The following GALNT13 variants were observed in gnomAD, a reference collection of about 807,000 sequenced individuals.
GALNT13 encodes polypeptide N-acetylgalactosaminyltransferase 13.
In GALNT13, 28 loss-of-function variants were observed where a neutral mutation model predicts 64.2. The ratio of observed to expected loss-of-function variants is 0.44; its 90% CI spans 0.32 to 0.60. The LOEUF is 0.60. Among genes scored for constraint, GALNT13 ranks in the 20% least tolerant of loss-of-function variants. The pLI is 0.05. For synonymous variants in GALNT13, 214 were observed against 224.6 expected, an observed-to-expected ratio of 0.95 and a Z score of 0.42; for missense variants, 577 against 669.8, an observed-to-expected ratio of 0.86 and a Z score of 1.53.
At chr2:153,197,652 G>A in the GALNT13 span, among the ~76,000 whole-genome samples, 1 of 152,188 alleles carries the variant, frequency 6.6e-6, no homozygotes, top group Non-Finnish European at 1.5e-5. Context: ...GTGTGTTTGA[G>A]TGGTTGTGTG....
the GALNT13 span, among the ~76,000 whole-genome samples, chr2:153,474,117 T>C: frequency 1.4e-4 from 21 of 151,854 alleles, no homozygotes; most frequent in Admixed American, 9.2e-4. Flanking sequence ...ACTTGTCTTT[T>C]GTGAGAAAAA....
At chr2:153,073,029 G>A in the GALNT13 span, among the ~76,000 whole-genome samples, 1 of 152,126 alleles carries the variant, frequency 6.6e-6, no homozygotes, top group Non-Finnish European at 1.5e-5. Context: ...ACTTATATTC[G>A]AGGCACGATG....
the GALNT13 span, among the ~76,000 whole-genome samples, chr2:153,844,081 T>C: frequency 6.6e-6 from 1 of 152,144 alleles, no homozygotes; most frequent in Admixed American, 6.5e-5. Context: ...GTCCCCTTCA[T>C]ACAGCTCCAC....
intron 8 of GALNT13, among the ~76,000 whole-genome samples, chr2:154,273,401 A>G (rs79517486): frequency 0.043 from 6,569 of 152,228 alleles, 198 homozygotes; most frequent in Non-Finnish European, 0.06. Context: ...TTCCAAGTCT[A>G]TAGGATCACA....
the GALNT13 span, among the ~76,000 whole-genome samples, chr2:153,097,911 C>A: frequency 6.6e-6 from 1 of 152,030 alleles, no homozygotes; most frequent in Non-Finnish European, 1.5e-5. Flanking sequence ...GCTAGAAATT[C>A]AAAAATTAGC....
At chr2:153,736,371 A>G in the GALNT13 span, among the ~76,000 whole-genome samples, 1 of 152,116 alleles carries the variant, frequency 6.6e-6, no homozygotes, top group Non-Finnish European at 1.5e-5. Context: ...AATCTTTAAG[A>G]TGTTGCAAGT....
the GALNT13 span, among the ~76,000 whole-genome samples, chr2:153,554,300 C>A: frequency 6.6e-6 from 1 of 152,044 alleles, no homozygotes; most frequent in South Asian, 2.1e-4. Context: ...TGCCACTGCA[C>A]TCCAGCCTGG....
At chr2:154,072,004 T>C (rs1700762667) in intron 3 of GALNT13, among the ~76,000 whole-genome samples, 1 of 152,066 alleles carries the variant, frequency 6.6e-6, no homozygotes, top group African/African-American at 2.4e-5. Flanking sequence ...GAGTTCAATG[T>C]TAATGAATCA....
chr2:153,619,936 G>A, the GALNT13 span, among the ~76,000 whole-genome samples: 1 of 151,912 alleles, frequency 6.6e-6, no homozygotes, highest in African/African-American at 2.4e-5. Flanking sequence ...TTTTCTTTGG[G>A]TTAAATCTGC....
chr2:153,872,543 C>T (rs868610638), intron 1 of GALNT13, among the ~76,000 whole-genome samples: 1 of 150,314 alleles, frequency 6.7e-6, no homozygotes, highest in Admixed American at 6.6e-5. Context: ...TGCGGGAGGA[C>T]CGCGTGGCGC....
At chr2:153,529,297 A>C in the GALNT13 span, among the ~76,000 whole-genome samples, 1 of 152,106 alleles carries the variant, frequency 6.6e-6, no homozygotes, top group Non-Finnish European at 1.5e-5. Context: ...TATGCCAATA[A>C]TTTGGAAAAT....
the GALNT13 span, among the ~76,000 whole-genome samples, chr2:153,650,246 G>T: frequency 2.6e-5 from 4 of 151,988 alleles, no homozygotes; most frequent in Non-Finnish European, 5.9e-5. Flanking sequence ...TTTGATCTTT[G>T]TTGGTTTAAA....
the GALNT13 span, among the ~76,000 whole-genome samples, chr2:153,505,479 C>T: frequency 6.6e-6 from 1 of 152,014 alleles, no homozygotes; most frequent in Non-Finnish European, 1.5e-5. Context: ...TTTGCTCTTT[C>T]AAACTTTCTG....
chr2:153,567,662 A>T, the GALNT13 span, among the ~76,000 whole-genome samples: 5 of 152,254 alleles, frequency 3.3e-5, no homozygotes, highest in African/African-American at 1.2e-4. Context: ...GACACCAAAC[A>T]GAACACTCCT....
chr2:153,494,602 C>T, the GALNT13 span, among the ~76,000 whole-genome samples: 44 of 151,826 alleles, frequency 2.9e-4, no homozygotes, highest in African/African-American at 9.9e-4. Flanking sequence ...TGCTAAAAAA[C>T]TAACAAGAAA....
chr2:153,914,296 C>A (rs1574102736), intron 2 of GALNT13, among the ~76,000 whole-genome samples: 1 of 151,906 alleles, frequency 6.6e-6, no homozygotes, highest in South Asian at 2.1e-4. Context: ...CCAGTCTGGC[C>A]AACACAGTGA....
chr2:154,342,571 C>T (rs1369942822), intron 9 of GALNT13, among the ~76,000 whole-genome samples: 2 of 151,862 alleles, frequency 1.3e-5, no homozygotes, highest in African/African-American at 4.8e-5. Context: ...TATCAAAATT[C>T]TATCAAATTC....
At chr2:153,365,277 A>G in the GALNT13 span, among the ~76,000 whole-genome samples, 457 of 152,264 alleles carry the variant, frequency 3.0e-3, 17 homozygotes, top group East Asian at 0.08. Flanking sequence ...AAAACCCAAA[A>G]CCATAAATCC....
At chr2:153,196,545 C>T in the GALNT13 span, among the ~76,000 whole-genome samples, 15 of 152,068 alleles carry the variant, frequency 9.9e-5, no homozygotes, top group African/African-American at 2.2e-4. Context: ...CCTGGGCCCC[C>T]GAGAGTGCAG....
Sources: allele counts gnomAD v4.1 joint callset (sites outside exome capture counted in the v4.1 genomes callset), GRCh38; gene constraint gnomAD v4.1.1; transcripts MANE v1.5; gene names NCBI Gene and HGNC (gene_info 2026-07-23, HGNC 2026-07-21).